The following CACNB2 variants were observed in gnomAD, a reference collection of about 807,000 sequenced individuals.
CACNB2 encodes the protein calcium voltage-gated channel auxiliary subunit beta 2.
A neutral mutation model predicts 73.3 loss-of-function variants in CACNB2; 42 were observed. The ratio of observed to expected loss-of-function variants is 0.57; its 90% confidence interval spans 0.45 to 0.74. CACNB2 has a LOEUF of 0.74. CACNB2 is among the 30% of genes least tolerant of loss of function. CACNB2 has a pLI of 0.00. For missense variants in CACNB2, 940 were observed against 853.0 expected (o/e 1.10, Z -1.27); for synonymous variants, 348 against 310.3 (o/e 1.12, Z -1.28).
intron 2 of CACNB2, among the ~76,000 whole-genome samples, chr10:18,312,899 C>T (rs868613663): frequency 2.0e-5 from 3 of 152,068 alleles, no homozygotes; most frequent in East Asian, 1.9e-4. Context: ...ATGCTACTGA[C>T]GATTACGGAC....
intron 2 of CACNB2, among the ~76,000 whole-genome samples, chr10:18,346,852 C>A (rs2041480107): frequency 6.6e-6 from 1 of 152,072 alleles, no homozygotes; most frequent in African/African-American, 2.4e-5. Flanking sequence ...CCTCCTTGGC[C>A]TCCCAAAGTG....
intron 2 of CACNB2, among the ~76,000 whole-genome samples, chr10:18,302,126 C>T (rs777226411): frequency 1.3e-5 from 2 of 152,130 alleles, no homozygotes; most frequent in African/African-American, 2.4e-5. Flanking sequence ...TTGCCCACAT[C>T]AGGCCTCCCA....
intron 3 of CACNB2, among the ~76,000 whole-genome samples, chr10:18,451,701 T>G (rs2047030698): frequency 6.6e-6 from 1 of 152,206 alleles, no homozygotes; most frequent in Non-Finnish European, 1.5e-5. Context: ...CACTCACATA[T>G]TCTCCTGTGT....
At chr10:18,330,093 G>A (rs1296681925) in intron 2 of CACNB2, among the ~76,000 whole-genome samples, 1 of 152,042 alleles carries the variant, frequency 6.6e-6, no homozygotes, top group African/African-American at 2.4e-5. Flanking sequence ...CACCCTTCTC[G>A]GCCTCCCAAA....
At chr10:18,259,343 A>G (rs1398789215) in intron 2 of CACNB2, among the ~76,000 whole-genome samples, 1 of 152,022 alleles carries the variant, frequency 6.6e-6, no homozygotes, top group African/African-American at 2.4e-5. Context: ...GGGCAGGAGA[A>G]TGGCCTGGAG....
rs142355845 is a variant in CACNB2, at chr10:18,148,589, C to G, written c.121-2294C>G. On this transcript the variant is annotated intron_variant, in intron 1 of 13. Coordinates refer to ENST00000324631, the MANE Select transcript of CACNB2 (RefSeq NM_201596.3). ...TGCCTGTTGTACAATTGTAAGCAAC[C>G]ACAAAAAAGCTTACACATTCAAGAA... 5.8e-3 allele frequency among the ~76,000 whole-genome samples: 878 copies of G among 152,134 alleles called. 18 individuals carry two copies. Among genetic ancestry groups the G allele is most frequent in the Admixed American group, 0.047 (711 of 15,276 alleles).
intron 2 of CACNB2, among the ~76,000 whole-genome samples, chr10:18,320,012 C>G (rs2040339174): frequency 6.6e-6 from 1 of 152,112 alleles, no homozygotes; most frequent in Non-Finnish European, 1.5e-5. Context: ...CCTCCTATAG[C>G]TTTGCTCTTT....
intron 2 of CACNB2, among the ~76,000 whole-genome samples, chr10:18,359,911 A>G (rs1180521440): frequency 6.6e-6 from 1 of 152,188 alleles, no homozygotes; most frequent in Non-Finnish European, 1.5e-5. Context: ...GGTACTAAAG[A>G]GTCCTGGGTT....
intron 2 of CACNB2, among the ~76,000 whole-genome samples, chr10:18,157,130 A>C (rs537590498): frequency 1.3e-5 from 2 of 152,028 alleles, no homozygotes; most frequent in East Asian, 3.9e-4. Context: ...TTTAGGTTGC[A>C]GACAAAAATG....
At chr10:18,283,636 C>T (rs181482305) in intron 2 of CACNB2, among the ~76,000 whole-genome samples, 132 of 121,270 alleles carry the variant, frequency 1.1e-3, no homozygotes, top group South Asian at 2.2e-3. Context: ...CACTTGGACA[C>T]GGGGTGGGAA....
In CACNB2 at chr10:18,402,198, C is replaced by G. The variant is rs147601821; in HGVS notation, c.333+155C>G. 3.3e-5 allele frequency among the ~76,000 whole-genome samples: 5 copies of G among 152,208 alleles called. No homozygotes were observed. The East Asian group carries it at 9.7e-4, about 29-fold the overall frequency. On this transcript the variant is annotated intron_variant, in intron 3 of 13. Coordinates refer to ENST00000324631, the MANE Select transcript of CACNB2 (RefSeq NM_201596.3). ...CAAAAAATGGAGCCTAGTTTCTTCC[C>G]TTGGTAGAAAAAGGAAGTGTGGTAT...
chr10:18,179,342 G>C (rs779762028), intron 2 of CACNB2, among the ~76,000 whole-genome samples: 1 of 152,108 alleles, frequency 6.6e-6, no homozygotes, highest in Admixed American at 6.5e-5. Flanking sequence ...AAGGTCTTCC[G>C]TGCCTCTGGG....
At chr10:18,229,074 C>A (rs1042513590) in intron 2 of CACNB2, among the ~76,000 whole-genome samples, 1 of 152,112 alleles carries the variant, frequency 6.6e-6, no homozygotes, top group Non-Finnish European at 1.5e-5. Context: ...TTCTAAAAAG[C>A]ATTGTTACAG....
intron 2 of CACNB2, among the ~76,000 whole-genome samples, chr10:18,290,460 C>G (rs1391926472): frequency 1.3e-5 from 2 of 152,214 alleles, no homozygotes; most frequent in Non-Finnish European, 2.9e-5. Context: ...TCTGTCACCT[C>G]CCATCACCTC....
chr10:18,508,213 G>C (rs2050592610), intron 6 of CACNB2, among the ~76,000 whole-genome samples: 1 of 152,294 alleles, frequency 6.6e-6, no homozygotes, highest in East Asian at 1.9e-4. Flanking sequence ...AATTGCTTTA[G>C]GAAGCAAATT....
At chr10:18,192,239 C>T (rs2034432216) in intron 2 of CACNB2, among the ~76,000 whole-genome samples, 1 of 151,812 alleles carries the variant, frequency 6.6e-6, no homozygotes, top group South Asian at 2.1e-4. Context: ...TTGTCTGTAC[C>T]AGGCAGGCCT....
intron 3 of CACNB2, among the ~76,000 whole-genome samples, chr10:18,419,332 C>G (rs2045189626): frequency 1.6e-5 from 2 of 128,292 alleles, no homozygotes; most frequent in Non-Finnish European, 3.3e-5. Context: ...TTGCATGGAT[C>G]CCTGACACTG....
intron 2 of CACNB2, among the ~76,000 whole-genome samples, chr10:18,275,794 A>G (rs2038259402): frequency 6.6e-6 from 1 of 152,216 alleles, no homozygotes; most frequent in South Asian, 2.1e-4. Context: ...TGCATAGAAT[A>G]ACACAATCAA....
chr10:18,401,240 C>G (rs1029017352), intron 2 of CACNB2: 1 of 1,048,878 alleles, frequency 9.5e-7, no homozygotes, highest in African/African-American at 1.6e-5. Flanking sequence ...AGGGAGATTC[C>G]TCTCATTTTT....
Sources: gnomAD v4.1 joint callset for allele counts (sites outside exome capture counted in the v4.1 genomes callset) on GRCh38, gnomAD v4.1.1 for gene constraint, MANE v1.5 for transcripts, NCBI Gene and HGNC (gene_info 2026-07-23, HGNC 2026-07-21) for gene names.